Variants in RBPJ observed in about 807,000 individuals in gnomAD.
RBPJ encodes recombination signal binding protein for immunoglobulin kappa J region.
Under a neutral mutation model 67.8 loss-of-function variants are expected in RBPJ, and 9 were observed. The ratio of observed to expected loss-of-function variants is 0.13; its 90% CI spans 0.08 to 0.23. RBPJ has a LOEUF of 0.23. Among genes scored for constraint, RBPJ ranks in the 10% least tolerant of loss-of-function variants. RBPJ has a pLI of 1.00. For synonymous variants in RBPJ, 198 were observed against 203.3 expected, an observed-to-expected ratio of 0.97 and a Z score of 0.22; for missense variants, 305 against 595.6, an observed-to-expected ratio of 0.51 and a Z score of 5.08.
At chr4:26,142,114 C>T in the RBPJ span, among the ~76,000 whole-genome samples, 1 of 152,244 alleles carries the variant, frequency 6.6e-6, no homozygotes, top group Admixed American at 6.5e-5. Context: ...GGTACATTTC[C>T]CCTGCCCTGA....
At chr4:26,242,915 A>G (rs887326451) in intron 1 of RBPJ, among the ~76,000 whole-genome samples, 1 of 152,112 alleles carries the variant, frequency 6.6e-6, no homozygotes, top group Non-Finnish European at 1.5e-5. Flanking sequence ...TTTTGCAATT[A>G]TTAGAATTGT....
At chr4:26,214,978 A>G (rs866160737) in intron 1 of RBPJ, among the ~76,000 whole-genome samples, 17 of 23,922 alleles carry the variant, frequency 7.1e-4, no homozygotes, top group African/African-American at 2.5e-3. Context: ...GAGGGAGGGA[A>G]GGAAGGAGGG....
intron 1 of RBPJ, among the ~76,000 whole-genome samples, chr4:26,174,069 T>C (rs527324997): frequency 2.6e-5 from 4 of 152,352 alleles, no homozygotes; most frequent in African/African-American, 4.8e-5. Flanking sequence ...CATTTAGTAC[T>C]GAATGAATTC....
Position 26,346,287 on chromosome 4 carries a change from C to T in RBPJ, c.20+25239C>T, listed in dbSNP as rs112106237. Among the ~76,000 whole-genome samples the T allele has an allele frequency of 5.5e-3, 835 of 152,248 alleles. 7 individuals are homozygous for T. Among genetic ancestry groups the T allele is most frequent in the African/African-American group, 0.018 (758 of 41,544 alleles). ...GGACTTCCAGAGAGGAAAAGACTGG[C>T]GACTGCGGATGTACTGGATTTTATA... On this transcript the variant is annotated intron_variant, in intron 1 of 10. Coordinates refer to ENST00000355476, the MANE Select transcript of RBPJ (RefSeq NM_015874.6).
chr4:26,214,877 GAA>G (rs1374009965), intron 1 of RBPJ, among the ~76,000 whole-genome samples: 1 of 60,498 alleles, frequency 1.7e-5, no homozygotes, highest in African/African-American at 6.8e-5. Context: ...AAATGAAAAA[GAA>G]AAAGAGAGAG....
At chr4:26,416,648 A>G (rs1734619454) in intron 4 of RBPJ, among the ~76,000 whole-genome samples, 1 of 152,226 alleles carries the variant, frequency 6.6e-6, no homozygotes, top group South Asian at 2.1e-4. Context: ...ATGACTAAAC[A>G]TCTTCTAAAA....
At chr4:26,389,088 G>T (rs1731225398) in intron 2 of RBPJ, among the ~76,000 whole-genome samples, 1 of 151,946 alleles carries the variant, frequency 6.6e-6, no homozygotes, top group Non-Finnish European at 1.5e-5. Context: ...AGTTAGCCAG[G>T]AGTTGTGGCA....
At chr4:26,355,885 G>C (rs566488392) in intron 1 of RBPJ, among the ~76,000 whole-genome samples, 1 of 152,214 alleles carries the variant, frequency 6.6e-6, no homozygotes, top group East Asian at 1.9e-4. Flanking sequence ...TTCAGACTGG[G>C]GATTCCAGTG....
intron 1 of RBPJ, among the ~76,000 whole-genome samples, chr4:26,359,338 C>G (rs1253876002): frequency 1.3e-5 from 2 of 151,606 alleles, no homozygotes; most frequent in East Asian, 1.9e-4. Flanking sequence ...ATAATTTAAC[C>G]ATTCCCCTGT....
At chr4:26,297,364 A>AAGAGAG (rs34987416) in intron 1 of RBPJ, among the ~76,000 whole-genome samples, 87 of 148,122 alleles carry the variant, frequency 5.9e-4, no homozygotes, top group Admixed American at 2.4e-3. Flanking sequence ...GTACGAGAGA[A>AAGAGAG]AGAGAGAGAG....
At chr4:26,110,817 G>C in the RBPJ span, among the ~76,000 whole-genome samples, 1 of 152,138 alleles carries the variant, frequency 6.6e-6, no homozygotes, top group Non-Finnish European at 1.5e-5. The surrounding 1 kb of genome is among the most constrained non-coding windows in gnomAD (Gnocchi z 4.5). Flanking sequence ...TCCAGGTGCC[G>C]CTCAGCCCTG....
intron 1 of RBPJ, among the ~76,000 whole-genome samples, chr4:26,219,284 G>A (rs555873161): frequency 8.7e-4 from 132 of 152,278 alleles, no homozygotes; most frequent in South Asian, 1.9e-3. Flanking sequence ...ACCTGGGGAT[G>A]ATGATGTTTG....
intron 1 of RBPJ, among the ~76,000 whole-genome samples, chr4:26,370,518 A>G (rs544429018): frequency 2.6e-5 from 4 of 152,202 alleles, no homozygotes; most frequent in Non-Finnish European, 2.9e-5. Flanking sequence ...AGACTCAACA[A>G]AACTACATCA....
rs1227941031 is a variant in RBPJ, at chr4:26,191,234, GAGAGAGAT to G, written c.-167+27628_-167+27635del. ...ATAGAGAGAGAGAGAGAGAGAGAGAGAGAGAGATAGAGAGAGAGAGAGGGAGAGAGGGA... is the reference window on the plus strand; with the variant it reads ...ATAGAGAGAGAGAGAGAGAGAGAGAGAGAGAGAGAGAGAGGGAGAGAGGGA... On this transcript the variant is annotated intron_variant, in intron 1 of 4. Coordinates refer to the RBPJ transcript ENST00000512351. Among the ~76,000 whole-genome samples, 52 of 116,142 alleles carry G rather than the reference GAGAGAGAT, an allele frequency of 4.5e-4. 1 individual carries two copies. Among genetic ancestry groups the G allele is most frequent in the South Asian group, 1.7e-3 (6 of 3,526 alleles). The allele number at this position is 116,142 out of a possible 152,430, so 76.2% of individuals were successfully genotyped here.
Position 26,431,280 on chromosome 4 carries a change from G to T in RBPJ, c.*273G>T. 1 of 325,168 alleles carries T rather than the reference G, an allele frequency of 3.1e-6. No homozygotes were observed. Among genetic ancestry groups the T allele is most frequent in the South Asian group, 6.0e-5 (1 of 16,680 alleles). 20.1% of individuals were successfully genotyped at this position (325,168 alleles called of 1,614,324 possible). On this transcript the variant is annotated 3_prime_UTR_variant, in exon 11 of 11. Transcript: ENST00000355476. ...CAGCTGTTTTGTTGGTTGGTTGGTTGGTTTTTGTTTGGTTTTGTTTAAATG... is the reference window on the plus strand; with the variant it reads ...CAGCTGTTTTGTTGGTTGGTTGGTTTGTTTTTGTTTGGTTTTGTTTAAATG...
chr4:26,180,700 G>A (rs373982439), intron 1 of RBPJ, among the ~76,000 whole-genome samples: 2 of 152,152 alleles, frequency 1.3e-5, no homozygotes, highest in Non-Finnish European at 1.5e-5. Context: ...ATGAATCTGG[G>A]GGGGACACAA....
chr4:26,421,126 A>G (rs1735095647), intron 5 of RBPJ, among the ~76,000 whole-genome samples: 1 of 152,142 alleles, frequency 6.6e-6, no homozygotes, highest in Non-Finnish European at 1.5e-5. Flanking sequence ...GAAAAACGCT[A>G]CCAACTAAAT....
chr4:26,385,004 C>T (rs1229290293), intron 1 of RBPJ, among the ~76,000 whole-genome samples: 2 of 115,236 alleles, frequency 1.7e-5, no homozygotes, highest in African/African-American at 3.4e-5. Context: ...CTCTCCTCCC[C>T]TCCCCCCTTT....
At chr4:26,376,262 G>A (rs529039665) in intron 1 of RBPJ, among the ~76,000 whole-genome samples, 1 of 152,176 alleles carries the variant, frequency 6.6e-6, no homozygotes, top group South Asian at 2.1e-4. Context: ...GAAACTCTGT[G>A]CTCATTTAAC....
Sources: allele counts gnomAD v4.1 joint callset (sites outside exome capture counted in the v4.1 genomes callset), GRCh38; gene constraint gnomAD v4.1.1; non-coding constraint Gnocchi (gnomAD v3.1); transcripts MANE v1.5; gene names NCBI Gene and HGNC (gene_info 2026-07-23, HGNC 2026-07-21).